The following PDE3A variants were observed in gnomAD, a reference collection of about 807,000 sequenced individuals.
PDE3A encodes cGMP-inhibited 3',5'-cyclic phosphodiesterase 3A.
Under a neutral mutation model 98.3 loss-of-function variants are expected in PDE3A, and 43 were observed. The observed-to-expected ratio is 0.44, with a 90% confidence interval of 0.34 to 0.56. The LOEUF (loss-of-function observed/expected upper bound fraction) is 0.56, where lower values mean the gene tolerates loss of function less well. PDE3A is among the 20% of genes least tolerant of loss of function. The probability of loss-of-function intolerance (pLI) is 0.01; values close to 1 mark genes in which losing one functional copy is unlikely to be tolerated. For missense variants in PDE3A, 1,427 were observed against 1,440.7 expected, an observed-to-expected ratio of 0.99 and a Z score of 0.15; for synonymous variants, 663 against 567.9, an observed-to-expected ratio of 1.17 and a Z score of -2.38.
intron 1 of PDE3A, among the ~76,000 whole-genome samples, chr12:20,404,317 G>A (rs1471692192): frequency 6.6e-6 from 1 of 151,990 alleles, no homozygotes; most frequent in Non-Finnish European, 1.5e-5. Flanking sequence ...TGAAATTTTA[G>A]CAGAAGTGAC....
intron 2 of PDE3A, among the ~76,000 whole-genome samples, chr12:20,576,406 A>T (rs1366294597): frequency 6.6e-6 from 1 of 152,064 alleles, no homozygotes. Context: ...TTATCTATTG[A>T]ATGTTAGATT....
chr12:20,557,445 A>C (rs1942398245), intron 2 of PDE3A, among the ~76,000 whole-genome samples: 1 of 152,184 alleles, frequency 6.6e-6, no homozygotes, highest in Non-Finnish European at 1.5e-5. Context: ...GGCTATGGTT[A>C]CCTGACTGTA....
chr12:20,541,531 C>G (rs973787918), intron 1 of PDE3A, among the ~76,000 whole-genome samples: 1 of 152,014 alleles, frequency 6.6e-6, no homozygotes, highest in Non-Finnish European at 1.5e-5. Flanking sequence ...AGAGAAGTAC[C>G]TGGTTAATTA....
intron 2 of PDE3A, among the ~76,000 whole-genome samples, chr12:20,561,539 G>T (rs533005174): frequency 6.6e-6 from 1 of 152,024 alleles, no homozygotes; most frequent in Non-Finnish European, 1.5e-5. Flanking sequence ...ACTTTGATTC[G>T]CAAAACATGG....
At chr12:20,604,021 T>C (rs899695987) in intron 2 of PDE3A, among the ~76,000 whole-genome samples, 1 of 151,530 alleles carries the variant, frequency 6.6e-6, no homozygotes, top group African/African-American at 2.4e-5. Context: ...ATACAAAAAT[T>C]AGCTGGGCAT....
At chr12:20,541,656 T>A (rs1343855310) in intron 1 of PDE3A, among the ~76,000 whole-genome samples, 1 of 152,106 alleles carries the variant, frequency 6.6e-6, no homozygotes, top group African/African-American at 2.4e-5. Context: ...TTCCACTTTA[T>A]TTTCTTTTAT....
At chr12:20,611,422 GT>G (rs951039733) in intron 2 of PDE3A, among the ~76,000 whole-genome samples, 2 of 123,860 alleles carry the variant, frequency 1.6e-5, no homozygotes, top group East Asian at 3.0e-4. Context: ...TTCTGTTTTT[GT>G]TTTTTTGTTT....
intron 1 of PDE3A, among the ~76,000 whole-genome samples, chr12:20,475,853 G>A (rs1239204087): frequency 6.6e-6 from 1 of 152,156 alleles, no homozygotes; most frequent in Non-Finnish European, 1.5e-5. Flanking sequence ...AAGAAAGAAA[G>A]AAACTGAGAG....
chr12:20,410,576 T>C (rs1944314785), intron 1 of PDE3A, among the ~76,000 whole-genome samples: 1 of 152,178 alleles, frequency 6.6e-6, no homozygotes, highest in Non-Finnish European at 1.5e-5. Flanking sequence ...TAGTTTCTGA[T>C]ACTGCAGTTA....
At chr12:20,660,590 A>T (rs4485156) in intron 15 of PDE3A, among the ~76,000 whole-genome samples, 1 of 151,980 alleles carries the variant, frequency 6.6e-6, no homozygotes, top group Non-Finnish European at 1.5e-5. Flanking sequence ...TTGTATCATC[A>T]TGGCAAGTCT....
At chr12:20,497,561 A>G (rs1179091782) in intron 1 of PDE3A, among the ~76,000 whole-genome samples, 1 of 151,952 alleles carries the variant, frequency 6.6e-6, no homozygotes, top group East Asian at 1.9e-4. Context: ...AGAAAACATA[A>G]TAATTCTAAC....
intron 1 of PDE3A, among the ~76,000 whole-genome samples, chr12:20,386,049 T>TAAAATATATATATAAATATATGTA: frequency 2.0e-5 from 1 of 49,266 alleles, no homozygotes; most frequent in East Asian, 9.9e-4. Flanking sequence ...AAAATATATA[T>TAAAATATATATATAAATATATGTA]AAATATATAT....
intron 2 of PDE3A, among the ~76,000 whole-genome samples, chr12:20,608,663 ATTAC>A (rs1390446364): frequency 3.9e-5 from 6 of 152,008 alleles, no homozygotes; most frequent in East Asian, 1.9e-4. Flanking sequence ...AAATACATCT[ATTAC>A]TTTAAAGAAA....
At chr12:20,483,898 A>C (rs1033039823) in intron 1 of PDE3A, among the ~76,000 whole-genome samples, 1 of 152,206 alleles carries the variant, frequency 6.6e-6, no homozygotes, top group Non-Finnish European at 1.5e-5. Flanking sequence ...AAAATGTATA[A>C]TGCTTTTAAC....
At chr12:20,541,033 T>C (rs565226976) in intron 1 of PDE3A, among the ~76,000 whole-genome samples, 2 of 150,102 alleles carry the variant, frequency 1.3e-5, no homozygotes, top group Admixed American at 6.7e-5. Flanking sequence ...TCCTATTAAG[T>C]GTATATTATT....
intron 1 of PDE3A, among the ~76,000 whole-genome samples, chr12:20,503,103 A>T (rs1946052410): frequency 6.6e-6 from 1 of 152,116 alleles, no homozygotes; most frequent in African/African-American, 2.4e-5. Flanking sequence ...TTTAGTCCTT[A>T]TATAAATTAT....
At chr12:20,437,394 G>A (rs1237997186) in intron 1 of PDE3A, among the ~76,000 whole-genome samples, 3 of 152,154 alleles carry the variant, frequency 2.0e-5, no homozygotes, top group Admixed American at 6.5e-5. Flanking sequence ...CTAAGGTTGT[G>A]TAAATTATAA....
At chr12:20,674,473 A>G (rs1945580960) in intron 15 of PDE3A, among the ~76,000 whole-genome samples, 1 of 152,080 alleles carries the variant, frequency 6.6e-6, no homozygotes, top group South Asian at 2.1e-4. Context: ...GTTCCTTCCT[A>G]GTATTTTTAG....
Position 20,685,409 on chromosome 12 carries a change from C to CAAA in PDE3A, c.*5159_*5161dup, listed in dbSNP as rs71442269. Among the ~76,000 whole-genome samples the CAAA allele has an allele frequency of 0.047, 3,391 of 72,686 alleles. 191 individuals are homozygous for CAAA. The highest frequency in any genetic ancestry group is 0.092 in the African/African-American group (1,516 of 16,472). 47.7% of individuals were successfully genotyped at this position (72,686 alleles called of 152,430 possible). On this transcript the variant is annotated 3_prime_UTR_variant, in exon 16 of 16. Coordinates refer to ENST00000359062, the MANE Select transcript of PDE3A (RefSeq NM_000921.5). ...GGGCAACAGGAGTTAAATTTTGCCT[C>CAAA]AAAAAAAAAAAAAAAAAAAAAAAGA...
Sources: allele counts gnomAD v4.1 joint callset (sites outside exome capture counted in the v4.1 genomes callset), GRCh38; gene constraint gnomAD v4.1.1; transcripts MANE v1.5; gene names NCBI Gene and HGNC (gene_info 2026-07-23, HGNC 2026-07-21).